Variants in IHO1 observed in about 807,000 individuals in gnomAD.
IHO1 encodes interactor of HORMAD1 1.
A neutral mutation model predicts 31.0 loss-of-function variants in IHO1; 13 were observed. That is an observed-to-expected ratio of 0.42 (90% CI 0.27 to 0.67). The LOEUF is 0.67. IHO1 is among the 30% of genes least tolerant of loss of function. The pLI is 0.24. For synonymous variants in IHO1, 221 were observed against 248.4 expected, an observed-to-expected ratio of 0.89 and a Z score of 1.04; for missense variants, 599 against 687.5, an observed-to-expected ratio of 0.87 and a Z score of 1.44.
chr3:49,195,843 T>A (rs529793931), upstream of IHO1, among the ~76,000 whole-genome samples: 45 of 146,640 alleles, frequency 3.1e-4, no homozygotes, highest in South Asian at 9.6e-3. Flanking sequence ...GGCTAACGCC[T>A]GTAATCACAG....
At chr3:49,240,884 G>A (rs774854519) in intron 3 of IHO1, among the ~76,000 whole-genome samples, 1 of 152,148 alleles carries the variant, frequency 6.6e-6, no homozygotes, top group Non-Finnish European at 1.5e-5. Context: ...AGCAATTTGA[G>A]TTAAAATTAT....
chr3:49,203,794 A>G (rs1014762470), intron 1 of IHO1, among the ~76,000 whole-genome samples: 1 of 152,162 alleles, frequency 6.6e-6, no homozygotes. Context: ...AGGAATTAGT[A>G]TAGTATTTGC....
chr3:49,236,725 G>T lies in IHO1; in HGVS notation c.231+3G>T. 6.2e-7 allele frequency: 1 copy of T among 1,607,566 alleles called. No homozygotes were observed. The highest frequency in any genetic ancestry group is 8.5e-7 in the Non-Finnish European group (1 of 1,177,470). Reference sequence around the variant, plus strand: ...AGTCACAACAGAACTATCTGGAGGTGAGTCTGGTTTCCAGAATTGATCTGC... The same window carrying T: ...AGTCACAACAGAACTATCTGGAGGTTAGTCTGGTTTCCAGAATTGATCTGC... On this transcript the variant is annotated splice_donor_region_variant and intron_variant, in intron 3 of 7. Coordinates refer to ENST00000452691, the MANE Select transcript of IHO1 (RefSeq NM_001135197.2).
At chr3:49,229,493 A>T (rs1323749639) in intron 2 of IHO1, among the ~76,000 whole-genome samples, 1 of 152,256 alleles carries the variant, frequency 6.6e-6, no homozygotes, top group Non-Finnish European at 1.5e-5. Flanking sequence ...AGCGCATAGC[A>T]CAACTTCTGA....
At chr3:49,204,193 T>C (rs1363380506) in intron 1 of IHO1, among the ~76,000 whole-genome samples, 1 of 152,140 alleles carries the variant, frequency 6.6e-6, no homozygotes. Context: ...AATCACCTCT[T>C]AACAGTCCTA....
chr3:49,253,828 C>CTTTTTTTTTTT (rs139087366), intron 6 of IHO1, among the ~76,000 whole-genome samples: 60 of 72,248 alleles, frequency 8.3e-4, no homozygotes, highest in Admixed American at 1.2e-3. Context: ...CTTTATTTGT[C>CTTTTTTTTTTT]TTTTTTTTTT....
In IHO1 at chr3:49,211,958, C is replaced by T. The variant is rs950924553; in HGVS notation, c.56+122C>T. 165 of 586,066 alleles carry T rather than the reference C, an allele frequency of 2.8e-4. 1 individual carries two copies. In the Middle Eastern group the frequency reaches 3.4e-3, roughly 12 times the overall value. The allele number at this position is 586,066 out of a possible 1,614,324, so 36.3% of individuals were successfully genotyped here. A position where few individuals can be genotyped will look rare whatever the true frequency, so the allele number is the denominator to read the frequency against. ...TGGGCAGATCACAAGATCAGGAGAT[C>T]AGGACCATCCTGGCTAACACGGTGA... On this transcript the variant is annotated intron_variant, in intron 2 of 7. Transcript: ENST00000452691.
chr3:49,191,821 G>C, the IHO1 span: 15 of 1,524,760 alleles, frequency 9.8e-6, no homozygotes, highest in African/African-American at 1.9e-4. Flanking sequence ...GTCTTTTGGA[G>C]GGTATCTTCA....
At position 49,256,403 on chromosome 3, in the gene IHO1, C is replaced by A; in HGVS notation, c.906C>A (p.Leu302=). 1.9e-6 allele frequency: 3 copies of A among 1,614,166 alleles called. No individual in the cohort carries two copies. Among genetic ancestry groups the A allele is most frequent in the Non-Finnish European group, 1.7e-6 (2 of 1,180,042 alleles). Residue 302 remains leucine (L), a synonymous_variant, in exon 8 of 8, where the codon CTC becomes CTA. Transcript: ENST00000452691. This position sits in a 1 kb window ranked among gnomAD's most constrained non-coding sequence, Gnocchi z 4.6. ...EKPVLWQAQA[L]PAAWNPGMGS... is the part of the protein sequence containing the mutation. ...CAGTTTTATGGCAGGCCCAGGCCCTCCCTGCTGCATGGAATCCTGGTATGG... is the reference window on the plus strand; with the variant it reads ...CAGTTTTATGGCAGGCCCAGGCCCTACCTGCTGCATGGAATCCTGGTATGG...
chr3:49,206,972 C>T (rs1010602240), intron 1 of IHO1, among the ~76,000 whole-genome samples: 3 of 147,580 alleles, frequency 2.0e-5, no homozygotes, highest in Admixed American at 7.0e-5. Flanking sequence ...TGCTTGAACC[C>T]AGGAGGCAAA....
At chr3:49,230,042 A>T (rs2046462973) in intron 2 of IHO1, among the ~76,000 whole-genome samples, 1 of 152,174 alleles carries the variant, frequency 6.6e-6, no homozygotes, top group South Asian at 2.1e-4. Context: ...AAGGTTTAGG[A>T]TATCATTTTT....
chr3:49,238,783 A>G (rs2046589854), intron 3 of IHO1, among the ~76,000 whole-genome samples: 1 of 152,184 alleles, frequency 6.6e-6, no homozygotes, highest in Non-Finnish European at 1.5e-5. Flanking sequence ...TCTGTGAAGT[A>G]ACCTTGAGTA....
At chr3:49,253,354 G>A (rs2046783844) in intron 6 of IHO1, among the ~76,000 whole-genome samples, 2 of 152,110 alleles carry the variant, frequency 1.3e-5, no homozygotes, top group South Asian at 2.1e-4. Context: ...GAACTCAGGC[G>A]GCAGAGGTTG....
intron 4 of IHO1, 131 bp downstream of exon 4, chr3:49,241,520 A>G (rs900092473): frequency 2.8e-6 from 2 of 709,268 alleles, no homozygotes; most frequent in Non-Finnish European, 4.6e-6. Flanking sequence ...AAACCAAACC[A>G]TAGGACTTAC....
At chr3:49,216,137 A>G (rs2046283864) in intron 2 of IHO1, among the ~76,000 whole-genome samples, 2 of 152,216 alleles carry the variant, frequency 1.3e-5, no homozygotes, top group African/African-American at 2.4e-5. Flanking sequence ...TGATTTGTGT[A>G]TGTGTTTTAA....
chr3:49,218,052 A>G (rs2046310102), intron 2 of IHO1, among the ~76,000 whole-genome samples: 1 of 151,956 alleles, frequency 6.6e-6, no homozygotes, highest in African/African-American at 2.4e-5. Flanking sequence ...TTAGCAGCTT[A>G]CTCTCACACT....
Position 49,256,905 on chromosome 3 carries a change from A to G in IHO1, c.1408A>G (p.Lys470Glu), listed in dbSNP as rs1465753849. The change falls in exon 8 of 8, where the codon AAA becomes GAA. Residue 470 changes from lysine to glutamate, a missense_variant. Transcript: ENST00000452691. The surrounding 1 kb of genome is among the most constrained non-coding windows in gnomAD (Gnocchi z 4.6). Reference sequence around the variant, plus strand: ...AAAACAAATCCCAATCCAGACCTGTAAATTCAATTCCAAATATCAGAGTCC... The same window carrying G: ...AAAACAAATCCCAATCCAGACCTGTGAATTCAATTCCAAATATCAGAGTCC... ...KQKQIPIQTC[K>E]FNSKYQSPQP... 1.9e-6 allele frequency: 3 copies of G among 1,614,242 alleles called. No individual in the cohort carries two copies. Among genetic ancestry groups the G allele is most frequent in the Middle Eastern group, 1.6e-4 (1 of 6,062 alleles).
At chr3:49,250,404 G>A (rs1291710164) in intron 6 of IHO1, among the ~76,000 whole-genome samples, 2 of 152,164 alleles carry the variant, frequency 1.3e-5, no homozygotes, top group East Asian at 3.8e-4. Flanking sequence ...TTGCCCTGGG[G>A]ACAAGAACTG....
chr3:49,221,495 C>T (rs2046355608), intron 2 of IHO1, among the ~76,000 whole-genome samples: 1 of 152,218 alleles, frequency 6.6e-6, no homozygotes, highest in African/African-American at 2.4e-5. Flanking sequence ...GGAAGTCCAG[C>T]TGGATTCACC....
Sources: allele counts gnomAD v4.1 joint callset (sites outside exome capture counted in the v4.1 genomes callset), GRCh38; gene constraint gnomAD v4.1.1; non-coding constraint Gnocchi (gnomAD v3.1); transcripts MANE v1.5; gene names NCBI Gene and HGNC (gene_info 2026-07-23, HGNC 2026-07-21).